Variants in ELAVL4 observed in about 807,000 individuals in gnomAD.
ELAVL4 encodes ELAV-like protein 4.
Under a neutral mutation model 35.6 loss-of-function variants are expected in ELAVL4, and 1 was observed. The ratio of observed to expected loss-of-function variants is 0.03; its 90% CI spans 0.01 to 0.13. The LOEUF (loss-of-function observed/expected upper bound fraction) is 0.13. ELAVL4 is among the 10% of genes least tolerant of loss of function. The pLI is 1.00. For missense variants in ELAVL4, 267 were observed against 464.9 expected, an observed-to-expected ratio of 0.57 and a Z score of 3.91; for synonymous variants, 156 against 171.0, an observed-to-expected ratio of 0.91 and a Z score of 0.69.
chr1:50,153,139 T>G (rs1037435795), intron 2 of ELAVL4, among the ~76,000 whole-genome samples: 4 of 152,194 alleles, frequency 2.6e-5, no homozygotes, highest in African/African-American at 9.6e-5. Flanking sequence ...CACATCTACC[T>G]TGCTGTTTTG....
chr1:50,181,840 C>T (rs1278978737), intron 3 of ELAVL4, among the ~76,000 whole-genome samples: 2 of 152,116 alleles, frequency 1.3e-5, no homozygotes, highest in East Asian at 1.9e-4. Flanking sequence ...TGCACTACCA[C>T]GCCCGGCTAA....
At chr1:50,099,909 T>A (rs1294032353), upstream of ELAVL4, among the ~76,000 whole-genome samples, 5 of 152,244 alleles carry the variant, frequency 3.3e-5, no homozygotes, top group African/African-American at 1.2e-4. Flanking sequence ...AGGCATAGAT[T>A]ATTTTGATTG....
At chr1:50,048,814 A>G (rs748864880) in intron 1 of ELAVL4, among the ~76,000 whole-genome samples, 1 of 152,158 alleles carries the variant, frequency 6.6e-6, no homozygotes, top group Non-Finnish European at 1.5e-5. Context: ...AGCAGTGCTC[A>G]TGTTTAGCTG....
intron 3 of ELAVL4, among the ~76,000 whole-genome samples, chr1:50,183,462 AGG>A (rs1395354356): frequency 6.6e-6 from 1 of 152,116 alleles, no homozygotes; most frequent in Non-Finnish European, 1.5e-5. Flanking sequence ...GGAGTAGAGA[AGG>A]GGAAGGTGTG....
chr1:50,115,960 C>T (rs182604806), intron 1 of ELAVL4, among the ~76,000 whole-genome samples: 1 of 152,176 alleles, frequency 6.6e-6, no homozygotes, highest in Admixed American at 6.5e-5. Flanking sequence ...GCACATTGCA[C>T]AATGAGGTTT....
chr1:50,163,269 A>G (rs1347019579), intron 2 of ELAVL4, among the ~76,000 whole-genome samples: 3 of 152,160 alleles, frequency 2.0e-5, no homozygotes, highest in African/African-American at 7.2e-5. Context: ...ACACTTAACT[A>G]TACTCTACTA....
intron 1 of ELAVL4, among the ~76,000 whole-genome samples, chr1:50,111,237 CTT>C (rs548633832): frequency 1.4e-5 from 2 of 138,540 alleles, no homozygotes; most frequent in Non-Finnish European, 1.6e-5. Flanking sequence ...GGGAATCTTG[CTT>C]TTTTTTTTTT....
At chr1:50,070,284 T>C (rs993834181) in intron 1 of ELAVL4, among the ~76,000 whole-genome samples, 46 of 152,216 alleles carry the variant, frequency 3.0e-4, no homozygotes, top group Non-Finnish European at 1.3e-4. Flanking sequence ...ACTGCATTTA[T>C]TTTCCTGAAT....
At chr1:50,144,936 A>G (rs751542887) in intron 1 of ELAVL4, 21 bp from the exon 2 acceptor site, 1 of 1,596,504 alleles carries the variant, frequency 6.3e-7, no homozygotes. Flanking sequence ...GGCTTTTTCA[A>G]TTGTTTTTAT....
chr1:50,091,221 G>A (rs555168990), intron 1 of ELAVL4, among the ~76,000 whole-genome samples: 2 of 152,246 alleles, frequency 1.3e-5, no homozygotes, highest in South Asian at 2.1e-4. Context: ...TTTTTAGCAC[G>A]CACGCTCACA....
chr1:50,176,078 T>C (rs983883091), intron 2 of ELAVL4, among the ~76,000 whole-genome samples: 1 of 152,218 alleles, frequency 6.6e-6, no homozygotes, highest in African/African-American at 2.4e-5. Flanking sequence ...TTCTGGCTGA[T>C]GACACATGGC....
At chr1:50,076,686 G>T (rs1312932896) in intron 1 of ELAVL4, among the ~76,000 whole-genome samples, 1 of 152,100 alleles carries the variant, frequency 6.6e-6, no homozygotes, top group African/African-American at 2.4e-5. Flanking sequence ...TGAGTCTGGA[G>T]CCTTTAGTCC....
At chr1:50,086,476 TTATATA>T (rs35215248) in intron 1 of ELAVL4, among the ~76,000 whole-genome samples, 5 of 144,360 alleles carry the variant, frequency 3.5e-5, no homozygotes, top group African/African-American at 1.3e-4. Context: ...CATTCAGCTT[TTATATA>T]TATATATATA....
rs1053672972 is a variant in ELAVL4 at position 50,145,015 on chromosome 1, G to A, written c.68G>A (p.Gly23Glu). 3.1e-6 allele frequency: 5 copies of A among 1,613,734 alleles called. No individual in the cohort carries two copies. The Admixed American group carries it at 8.3e-5, about 27-fold the overall frequency. Residue 23 changes from glycine to glutamate, a missense_variant, in exon 2 of 7, where the codon GGA (glycine) becomes GAA (glutamate). Physicochemically the swap from Gly to Glu is moderately conservative, Grantham distance 98. Transcript: ENST00000371824. ...GGTCCGACATCCAATACAAGCAATG[G>A]ACCCTCCAGCAACAACAGAAACTGT... ...SNGPTSNTSN[G>E]PSSNNRNCPS... is the part of the protein sequence containing the mutation.
intron 1 of ELAVL4, among the ~76,000 whole-genome samples, chr1:50,065,054 C>A (rs1557682991): frequency 6.6e-6 from 1 of 152,084 alleles, no homozygotes; most frequent in Non-Finnish European, 1.5e-5. Flanking sequence ...GGAGACCATT[C>A]AGAAGAGTGG....
chr1:50,179,983 CA>C (rs1395774924), intron 3 of ELAVL4: 2 of 152,162 alleles, frequency 1.3e-5, no homozygotes, highest in African/African-American at 4.8e-5. Context: ...GTCCAATACA[CA>C]TGAAAATCTA....
chr1:50,090,839 G>C (rs1277618368), intron 1 of ELAVL4, among the ~76,000 whole-genome samples: 1 of 152,210 alleles, frequency 6.6e-6, no homozygotes, highest in African/African-American at 2.4e-5. Context: ...TATTCTAGCT[G>C]TATGGCTAGG....
intron 1 of ELAVL4, among the ~76,000 whole-genome samples, chr1:50,119,064 G>GAAAGAAAGAA (rs1224322994): frequency 7.4e-6 from 1 of 134,924 alleles, no homozygotes; most frequent in African/African-American, 2.9e-5. Flanking sequence ...AAGAAAGAAA[G>GAAAGAAAGAA]AAAGAAAGAA....
upstream of ELAVL4, among the ~76,000 whole-genome samples, chr1:50,101,945 A>G (rs1173959992): frequency 6.6e-6 from 1 of 152,204 alleles, no homozygotes; most frequent in Non-Finnish European, 1.5e-5. Context: ...TGTTTGGTAT[A>G]CAGTAGACTC....
Sources: gnomAD v4.1 joint callset for allele counts (sites outside exome capture counted in the v4.1 genomes callset) on GRCh38, gnomAD v4.1.1 for gene constraint, MANE v1.5 for transcripts, NCBI Gene and HGNC (gene_info 2026-07-23, HGNC 2026-07-21) for gene names.